The following UBE2E2 variants were observed in gnomAD, a reference collection of about 807,000 sequenced individuals.
UBE2E2 encodes the protein ubiquitin conjugating enzyme E2 E2.
UBE2E2 carries 6 observed loss-of-function variants against 24.7 expected under a neutral mutation model. That is an observed-to-expected ratio of 0.24 (90% confidence interval 0.13 to 0.48). UBE2E2 has a LOEUF of 0.48. Among genes scored for constraint, UBE2E2 ranks in the 20% least tolerant of loss-of-function variants. The probability of loss-of-function intolerance (pLI) is 0.99; values close to 1 mark genes in which losing one functional copy is unlikely to be tolerated. For synonymous variants in UBE2E2, 104 were observed against 83.6 expected, an observed-to-expected ratio of 1.24 and a Z score of -1.33; for missense variants, 169 against 245.0, an observed-to-expected ratio of 0.69 and a Z score of 2.07.
chr3:23,407,549 A>G lies in UBE2E2; in HGVS notation c.228-92059A>G, dbSNP rs893458722. Among the ~76,000 whole-genome samples, 1 of 150,608 alleles carries G rather than the reference A, an allele frequency of 6.6e-6. No homozygotes were observed. Among genetic ancestry groups the G allele is most frequent in the South Asian group, 2.1e-4 (1 of 4,692 alleles). On this transcript the variant is annotated intron_variant, in intron 3 of 5. Coordinates refer to ENST00000396703, the MANE Select transcript of UBE2E2 (RefSeq NM_152653.4). This position sits in a 1 kb window ranked among gnomAD's most constrained non-coding sequence, Gnocchi z 4.0. Reference sequence around the variant, plus strand: ...TTTCACTACCGTCAACATTTGCTACATCCTTTATCTCCTCTGCGCCCCTCC... The same window carrying G: ...TTTCACTACCGTCAACATTTGCTACGTCCTTTATCTCCTCTGCGCCCCTCC...
intron 3 of UBE2E2, among the ~76,000 whole-genome samples, chr3:23,247,421 C>T (rs539257341): frequency 9.4e-5 from 14 of 149,128 alleles, no homozygotes; most frequent in African/African-American, 3.2e-4. Flanking sequence ...ATGGCATGAT[C>T]TCGGCTCACC....
rs541420740 is a variant in UBE2E2 at position 23,246,441 on chromosome 3, T to G, written c.227+29129T>G. ...TAGTAGACACGGGGTTTCAGTATGT[T>G]GGCCAGGATGGTCTTGATCTCCTGA... On this transcript the variant is annotated intron_variant, in intron 3 of 5. Transcript: ENST00000396703. 2.5e-4 allele frequency among the ~76,000 whole-genome samples: 37 copies of G among 149,560 alleles called. No individual in the cohort carries two copies. In the Middle Eastern group the frequency reaches 0.01, roughly 42 times the overall value.
At chr3:23,377,552 T>C (rs1696552270) in intron 3 of UBE2E2, among the ~76,000 whole-genome samples, 1 of 152,190 alleles carries the variant, frequency 6.6e-6, no homozygotes, top group Non-Finnish European at 1.5e-5. Flanking sequence ...GTGGTCTGCT[T>C]ATCTATGAGA....
chr3:23,571,766 A>T (rs1413650993), intron 5 of UBE2E2, among the ~76,000 whole-genome samples: 3 of 152,168 alleles, frequency 2.0e-5, no homozygotes, highest in African/African-American at 7.2e-5. Context: ...CTCCTTGAAG[A>T]CACTCTGAAT....
chr3:23,262,989 G>A (rs1267157912), intron 3 of UBE2E2, among the ~76,000 whole-genome samples: 1 of 152,168 alleles, frequency 6.6e-6, no homozygotes, highest in African/African-American at 2.4e-5. Flanking sequence ...GTTTTTCTGA[G>A]TGTACAGAGG....
At chr3:23,544,799 G>A (rs1191852030) in intron 5 of UBE2E2, among the ~76,000 whole-genome samples, 1 of 152,224 alleles carries the variant, frequency 6.6e-6, no homozygotes, top group Admixed American at 6.5e-5. Flanking sequence ...TTCAGCATAT[G>A]GAGGATCCCG....
chr3:23,547,810 C>T (rs1204776787), intron 5 of UBE2E2, among the ~76,000 whole-genome samples: 2 of 152,168 alleles, frequency 1.3e-5, no homozygotes, highest in Non-Finnish European at 1.5e-5. Context: ...GGTCATCTTT[C>T]AGAATGTACT....
At chr3:23,410,252 A>G (rs1353133494) in intron 3 of UBE2E2, among the ~76,000 whole-genome samples, 1 of 152,206 alleles carries the variant, frequency 6.6e-6, no homozygotes, top group Non-Finnish European at 1.5e-5. Context: ...GTGAGGGATG[A>G]TTCCACTTTG....
chr3:23,465,220 A>T (rs1029039817), intron 3 of UBE2E2, among the ~76,000 whole-genome samples: 1 of 152,180 alleles, frequency 6.6e-6, no homozygotes, highest in African/African-American at 2.4e-5. Context: ...CTGAAGTAGA[A>T]TTGCTTAAAG....
chr3:23,472,359 T>G (rs1020097271), intron 3 of UBE2E2, among the ~76,000 whole-genome samples: 1 of 152,192 alleles, frequency 6.6e-6, no homozygotes, highest in Non-Finnish European at 1.5e-5. Context: ...GACATCAGAA[T>G]AAGGACTGGT....
chr3:23,542,958 A>T (rs772984669), intron 5 of UBE2E2, among the ~76,000 whole-genome samples: 5 of 152,162 alleles, frequency 3.3e-5, no homozygotes, highest in Non-Finnish European at 7.4e-5. Context: ...TTAGCTGTTG[A>T]TACAAATTTT....
At chr3:23,343,708 C>T (rs1487885125) in intron 3 of UBE2E2, among the ~76,000 whole-genome samples, 1 of 152,236 alleles carries the variant, frequency 6.6e-6, no homozygotes. Context: ...TGCCAGCCCT[C>T]CTTTCCAAGG....
At chr3:23,461,310 C>T (rs777708339) in intron 3 of UBE2E2, among the ~76,000 whole-genome samples, 4 of 151,934 alleles carry the variant, frequency 2.6e-5, no homozygotes, top group African/African-American at 4.8e-5. Flanking sequence ...ATCTTGCCAC[C>T]GTTAGCCAAG....
chr3:23,516,866 A>G (rs563689351), intron 4 of UBE2E2, among the ~76,000 whole-genome samples: 35 of 152,262 alleles, frequency 2.3e-4, no homozygotes, highest in African/African-American at 8.2e-4. Flanking sequence ...GGACCTCTAG[A>G]TATGTGTTCT....
At chr3:23,309,739 C>T (rs1036779376) in intron 3 of UBE2E2, among the ~76,000 whole-genome samples, 5 of 152,112 alleles carry the variant, frequency 3.3e-5, no homozygotes, top group Non-Finnish European at 7.3e-5. Context: ...CATTTGAAGG[C>T]TTGACTGGGG....
At chr3:23,468,504 G>C (rs1698969993) in intron 3 of UBE2E2, among the ~76,000 whole-genome samples, 1 of 152,106 alleles carries the variant, frequency 6.6e-6, no homozygotes, top group African/African-American at 2.4e-5. Context: ...ATTTAGTTTA[G>C]GTATAGTTAT....
At chr3:23,308,380 A>G (rs1443382107) in intron 3 of UBE2E2, among the ~76,000 whole-genome samples, 1 of 152,172 alleles carries the variant, frequency 6.6e-6, no homozygotes, top group Non-Finnish European at 1.5e-5. Flanking sequence ...TACCATCATT[A>G]TCCTTCATTG....
intron 3 of UBE2E2, among the ~76,000 whole-genome samples, chr3:23,342,134 G>T (rs575547706): frequency 2.0e-5 from 3 of 151,942 alleles, no homozygotes; most frequent in African/African-American, 7.2e-5. Context: ...ATTTATTTCT[G>T]TCTAGCTAAA....
At chr3:23,343,553 G>C (rs940330686) in intron 3 of UBE2E2, among the ~76,000 whole-genome samples, 1 of 152,170 alleles carries the variant, frequency 6.6e-6, no homozygotes, top group Non-Finnish European at 1.5e-5. Context: ...TCTAGCCGGG[G>C]CGACAGAGAC....
Sources: allele counts gnomAD v4.1 joint callset (sites outside exome capture counted in the v4.1 genomes callset), GRCh38; gene constraint gnomAD v4.1.1; non-coding constraint Gnocchi (gnomAD v3.1); transcripts MANE v1.5; gene names NCBI Gene and HGNC (gene_info 2026-07-23, HGNC 2026-07-21).